The following FAT3 variants were observed in gnomAD, a reference collection of about 807,000 sequenced individuals.
FAT3 encodes the protein protocadherin Fat 3.
In FAT3, 95 loss-of-function variants were observed where a neutral mutation model predicts 310.2. That is an observed-to-expected ratio of 0.31 (90% CI 0.26 to 0.36). The LOEUF (loss-of-function observed/expected upper bound fraction) is 0.36, where lower values mean the gene tolerates loss of function less well. FAT3 is among the 10% of genes least tolerant of loss of function. FAT3 has a pLI of 1.00. For missense variants in FAT3, 5,408 were observed against 5,715.6 expected, an observed-to-expected ratio of 0.95 and a Z score of 1.74; for synonymous variants, 2,314 against 2,192.9, an observed-to-expected ratio of 1.06 and a Z score of -1.54.
chr11:92,792,715 T>A (rs2136163373), intron 8 of FAT3, 52 bp from the exon 9 acceptor site: 1 of 1,563,214 alleles, frequency 6.4e-7, no homozygotes. Context: ...GCCATGTGAG[T>A]TCTTTGCAAT....
intron 4 of FAT3, among the ~76,000 whole-genome samples, chr11:92,710,052 T>A: frequency 6.6e-6 from 1 of 152,232 alleles, no homozygotes; most frequent in East Asian, 1.9e-4. Context: ...TATACCTTGC[T>A]GTTATGTAAT....
rs1329697842 is a variant in FAT3 at position 92,895,484 on chromosome 11, A to C, written c.*4371A>C. 6.6e-6 allele frequency: 1 copy of C among 152,258 alleles called. No individual in the cohort carries two copies. Among genetic ancestry groups the C allele is most frequent in the Admixed American group, 6.5e-5 (1 of 15,288 alleles). The allele number at this position is 152,258 out of a possible 1,614,324, so 9.4% of individuals were successfully genotyped here. On this transcript the variant is annotated 3_prime_UTR_variant, in exon 28 of 28. Coordinates refer to ENST00000525166, the MANE Select transcript of FAT3 (RefSeq NM_001367949.2). ...ATTACAAGTAGGTAATAATACACAA[A>C]GGCCATAATTAGTCTCTTCTAGTGT...
At chr11:92,748,415 C>A (rs1356414709) in intron 4 of FAT3, among the ~76,000 whole-genome samples, 1 of 152,142 alleles carries the variant, frequency 6.6e-6, no homozygotes, top group Non-Finnish European at 1.5e-5. Context: ...AACCATATGA[C>A]TCTTTAATTC....
Position 92,532,743 on chromosome 11 carries a change from T to C in FAT3, c.3607+7795T>C, listed in dbSNP as rs142084421. On this transcript the variant is annotated intron_variant, in intron 3 of 27. Coordinates refer to ENST00000525166, the MANE Select transcript of FAT3 (RefSeq NM_001367949.2). ...ATTAATTTCAGAGTTTCAGGGTTTC[T>C]TCCCTTGAAATGCTTAAGCAGCTCC... 4.5e-4 allele frequency among the ~76,000 whole-genome samples: 68 copies of C among 152,334 alleles called. 1 individual carries two copies. The highest frequency in any genetic ancestry group is 1.4e-3 in the African/African-American group (60 of 41,594).
chr11:92,384,144 G>A (rs981759135), intron 2 of FAT3, among the ~76,000 whole-genome samples: 6 of 152,096 alleles, frequency 3.9e-5, no homozygotes, highest in African/African-American at 7.2e-5. Flanking sequence ...GATGGGAAGC[G>A]GGTGGTCATT....
At chr11:92,442,527 T>C (rs1167370841) in intron 2 of FAT3, among the ~76,000 whole-genome samples, 1 of 152,168 alleles carries the variant, frequency 6.6e-6, no homozygotes, top group Non-Finnish European at 1.5e-5. Context: ...CCTGCTGTGA[T>C]GAAACTTAAA....
chr11:92,435,570 T>C (rs1209984794), intron 2 of FAT3, among the ~76,000 whole-genome samples: 24 of 144,632 alleles, frequency 1.7e-4, no homozygotes, highest in East Asian at 6.0e-4. Context: ...TTCTTTCTCT[T>C]TTTTTTTTTT....
At chr11:92,803,138 GCTT>G (rs1281940144) in intron 10 of FAT3, among the ~76,000 whole-genome samples, 2 of 149,228 alleles carry the variant, frequency 1.3e-5, no homozygotes, top group Non-Finnish European at 3.0e-5. Flanking sequence ...GAAAAAAAAA[GCTT>G]CTTAGGCATT....
At position 92,630,807 on chromosome 11, in the gene FAT3, C is replaced by T. The variant is rs187218537; in HGVS notation, c.3608-66577C>T. ...AGCAGTAATTTATGTTCTCACCCAC[C>T]CCTATTGAATGCTTAACTCCATGAA... On this transcript the variant is annotated intron_variant, in intron 3 of 27. Transcript: ENST00000525166. Among the ~76,000 whole-genome samples the T allele has an allele frequency of 3.8e-4, 58 of 151,628 alleles. No homozygotes were observed. The East Asian group carries it at 0.011, about 28-fold the overall frequency.
At chr11:92,410,407 A>G (rs1950230791) in intron 2 of FAT3, among the ~76,000 whole-genome samples, 1 of 151,970 alleles carries the variant, frequency 6.6e-6, no homozygotes, top group African/African-American at 2.4e-5. Context: ...AGAGAGAGTA[A>G]TTACTCTGGG....
chr11:92,470,744 A>T (rs1951882331), intron 2 of FAT3, among the ~76,000 whole-genome samples: 1 of 152,210 alleles, frequency 6.6e-6, no homozygotes, highest in East Asian at 1.9e-4. Flanking sequence ...TCCTATTTGT[A>T]GCTTTCAGTG....
At chr11:92,225,820 G>T (rs1863881675) in intron 1 of FAT3, among the ~76,000 whole-genome samples, 1 of 152,144 alleles carries the variant, frequency 6.6e-6, no homozygotes, top group South Asian at 2.1e-4. Flanking sequence ...GACTGGGGAC[G>T]ACATCCTTTA....
In FAT3 at chr11:92,831,687, T is replaced by C; in HGVS notation, c.9547T>C (p.Ser3183Pro). ...TGGTGGGGTCTTCTCCATTGACAGC[T>C]CATCTGGCATCATCATCCTGGAGCA... Reference protein sequence around the residue: ...SAGGVFSIDSSSGIIILEQPL... With the variant: ...SAGGVFSIDSPSGIIILEQPL... Residue 3183 changes from serine to proline, a missense_variant, in exon 14 of 28, where the codon TCA becomes CCA. This residue lies in a region of FAT3 where 4,588 missense variants were observed against 4,809.8 expected (regional missense o/e 0.95). Coordinates refer to ENST00000525166, the MANE Select transcript of FAT3 (RefSeq NM_001367949.2). The C allele has an allele frequency of 6.2e-7, 1 of 1,613,514 alleles. No homozygotes were observed. Among genetic ancestry groups the C allele is most frequent in the Non-Finnish European group, 8.5e-7 (1 of 1,179,762 alleles).
chr11:92,660,843 C>T (rs1384143861), intron 3 of FAT3, among the ~76,000 whole-genome samples: 2 of 152,164 alleles, frequency 1.3e-5, no homozygotes, highest in African/African-American at 2.4e-5. Context: ...AGAATCTTCT[C>T]TACAATCATA....
At chr11:92,605,650 C>T (rs1438914048) in intron 3 of FAT3, among the ~76,000 whole-genome samples, 1 of 149,868 alleles carries the variant, frequency 6.7e-6, no homozygotes, top group Non-Finnish European at 1.5e-5. Context: ...AAATCACTTA[C>T]AGATTACTTT....
rs746949235 is a variant in FAT3, at chr11:92,524,690, A to C, written c.3349A>C (p.Thr1117Pro). Residue 1117 changes from threonine (T) to proline (P), a missense_variant, in exon 3 of 28, where the codon ACA becomes CCA. Transcript: ENST00000525166. ...GGAGACAATGGGGTCATACTGGCTA[A>C]CAGTGTATGCCACAGACAGGGGCGT... ...DRETMGSYWL[T>P]VYATDRGVVP... 3.1e-5 allele frequency: 50 copies of C among 1,613,752 alleles called. No homozygotes were observed. Among genetic ancestry groups the C allele is most frequent in the Non-Finnish European group, 4.0e-5 (47 of 1,179,842 alleles).
intron 2 of FAT3, among the ~76,000 whole-genome samples, chr11:92,393,258 G>A (rs1053574045): frequency 5.9e-5 from 9 of 151,958 alleles, no homozygotes; most frequent in African/African-American, 1.2e-4. Flanking sequence ...GTGTGTGTAT[G>A]CACACACACT....
intron 14 of FAT3, among the ~76,000 whole-genome samples, chr11:92,833,233 C>G (rs755143174): frequency 6.6e-6 from 1 of 152,160 alleles, no homozygotes; most frequent in Admixed American, 6.5e-5. Flanking sequence ...TTCCCAATTC[C>G]CCTATGAATA....
At chr11:92,752,692 A>C (rs1945861405) in intron 4 of FAT3, among the ~76,000 whole-genome samples, 3 of 152,190 alleles carry the variant, frequency 2.0e-5, no homozygotes, top group Admixed American at 2.0e-4. Flanking sequence ...AAAAGACCTA[A>C]ATGCTTTAAT....
Sources: gnomAD v4.1 joint callset for allele counts (sites outside exome capture counted in the v4.1 genomes callset) on GRCh38, gnomAD v4.1.1 for gene constraint, gnomAD v4.1.1 regional missense constraint, MANE v1.5 for transcripts, NCBI Gene and HGNC (gene_info 2026-07-23, HGNC 2026-07-21) for gene names.